Variants in STX8 observed in about 807,000 individuals in gnomAD.
The protein encoded by STX8 is syntaxin-8.
In STX8, 23 loss-of-function variants were observed where a neutral mutation model predicts 37.5. The ratio of observed to expected loss-of-function variants is 0.61; its 90% confidence interval spans 0.44 to 0.87. The LOEUF (loss-of-function observed/expected upper bound fraction) is 0.87. STX8 is among the 40% of genes least tolerant of loss of function. The probability of loss-of-function intolerance (pLI) is 0.00; values close to 1 mark genes in which losing one functional copy is unlikely to be tolerated. For missense variants in STX8, 313 were observed against 284.7 expected (o/e 1.10, Z -0.71); for synonymous variants, 115 against 99.1 (o/e 1.16, Z -0.95).
intron 6 of STX8, among the ~76,000 whole-genome samples, chr17:9,381,336 T>TCTTA (rs746147086): frequency 3.3e-4 from 50 of 152,288 alleles, no homozygotes; most frequent in African/African-American, 1.2e-3. Context: ...TCACCATTTT[T>TCTTA]CTTAAAGCAT....
At chr17:9,367,998 T>C (rs74369799) in intron 7 of STX8, among the ~76,000 whole-genome samples, 1 of 152,060 alleles carries the variant, frequency 6.6e-6, no homozygotes, top group African/African-American at 2.4e-5. Context: ...TCCCAAAGAG[T>C]TGGGATTATA....
intron 6 of STX8, among the ~76,000 whole-genome samples, chr17:9,425,018 T>G (rs1272335756): frequency 6.6e-6 from 1 of 152,188 alleles, no homozygotes; most frequent in Non-Finnish European, 1.5e-5. Context: ...AGGAAAAGAT[T>G]CATGAATGAG....
chr17:9,339,444 G>A (rs1910258227), intron 7 of STX8, among the ~76,000 whole-genome samples: 1 of 152,102 alleles, frequency 6.6e-6, no homozygotes, highest in South Asian at 2.1e-4. Flanking sequence ...CACGAGGTCA[G>A]GAGATCGAGA....
rs57490676 is a variant in STX8, at chr17:9,506,407, T to TCCCCCCCCCCCCCCCCCCCCCCCC, written c.324-1246_324-1245insGGGGGGGGGGGGGGGGGGGGGGGG. On this transcript the variant is annotated intron_variant, in intron 4 of 7. Transcript: ENST00000306357. ...TTAGAGTCAGCTGGTGCTCACCCGC[T>TCCCCCCCCCCCCCCCCCCCCCCCC]CCCCCCCCCCCCCACCCACCTTTCT... Among the ~76,000 whole-genome samples, 4 of 39,360 alleles carry TCCCCCCCCCCCCCCCCCCCCCCCC rather than the reference T, an allele frequency of 1.0e-4. 1 individual carries two copies. Among genetic ancestry groups the TCCCCCCCCCCCCCCCCCCCCCCCC allele is most frequent in the Non-Finnish European group, 1.5e-4 (3 of 20,520 alleles). The allele number at this position is 39,360 out of a possible 152,430, so 25.8% of individuals were successfully genotyped here.
intron 7 of STX8, among the ~76,000 whole-genome samples, chr17:9,361,762 C>G (rs539956217): frequency 4.6e-5 from 7 of 152,302 alleles, no homozygotes; most frequent in African/African-American, 1.7e-4. Context: ...GCACCAATAA[C>G]TGGCAGGAGC....
At position 9,368,133 on chromosome 17, in the gene STX8, T is replaced by C. The variant is rs149412312; in HGVS notation, c.643+10419A>G. Among the ~76,000 whole-genome samples the C allele has an allele frequency of 1.1e-3, 167 of 152,282 alleles. 1 individual carries two copies. In the East Asian group the frequency reaches 0.03, roughly 27 times the overall value. On this transcript the variant is annotated intron_variant, in intron 7 of 7. Transcript: ENST00000306357. Reference sequence around the variant, plus strand: ...AAAACATTAGGCAAATAAGTATTTTTCCCTAAAAATTCTACTTAACTTTTA... The same window carrying C: ...AAAACATTAGGCAAATAAGTATTTTCCCCTAAAAATTCTACTTAACTTTTA...
chr17:9,397,084 A>C (rs1032497434), intron 6 of STX8, among the ~76,000 whole-genome samples: 13 of 152,332 alleles, frequency 8.5e-5, no homozygotes, highest in African/African-American at 3.1e-4. Context: ...ACCGCTATAC[A>C]TGTACATTGG....
At chr17:9,490,350 C>T (rs1198006450) in intron 6 of STX8, among the ~76,000 whole-genome samples, 1 of 151,154 alleles carries the variant, frequency 6.6e-6, no homozygotes, top group Admixed American at 6.6e-5. Flanking sequence ...ATCCCCAGGG[C>T]TTCGATGCTT....
At chr17:9,255,553 A>T (rs201818314) in intron 7 of STX8, among the ~76,000 whole-genome samples, 963 of 28,142 alleles carry the variant, frequency 0.034, 7 homozygotes, top group Middle Eastern at 0.083. Flanking sequence ...TAAATAAATA[A>T]ATATATAAAT....
At chr17:9,402,869 C>A (rs8068911) in intron 6 of STX8, among the ~76,000 whole-genome samples, 1 of 152,100 alleles carries the variant, frequency 6.6e-6, no homozygotes, top group South Asian at 2.1e-4. Context: ...CTGCTAATGC[C>A]AGGCTGTATC....
At chr17:9,428,758 CT>C (rs1186447486) in intron 6 of STX8, among the ~76,000 whole-genome samples, 2 of 152,114 alleles carry the variant, frequency 1.3e-5, no homozygotes, top group African/African-American at 4.8e-5. Context: ...TATTTTGAAT[CT>C]TTTTTTCTGG....
chr17:9,409,178 C>T (rs949082654), intron 6 of STX8, among the ~76,000 whole-genome samples: 1 of 151,960 alleles, frequency 6.6e-6, no homozygotes, highest in African/African-American at 2.4e-5. Flanking sequence ...CAAGATATCA[C>T]CTATGCCCAT....
intron 4 of STX8, among the ~76,000 whole-genome samples, chr17:9,528,801 TA>T (rs929249506): frequency 8.7e-5 from 13 of 148,706 alleles, no homozygotes; most frequent in East Asian, 1.9e-4. Context: ...CCCTCTTCGT[TA>T]AAAAAAAAAT....
chr17:9,499,480 C>A (rs551582776), intron 5 of STX8, among the ~76,000 whole-genome samples: 1 of 152,284 alleles, frequency 6.6e-6, no homozygotes, highest in East Asian at 1.9e-4. Context: ...CTCACTGCAA[C>A]CTCCGCCTCC....
intron 7 of STX8, among the ~76,000 whole-genome samples, chr17:9,342,448 G>A (rs1249987115): frequency 6.6e-6 from 1 of 152,150 alleles, no homozygotes; most frequent in African/African-American, 2.4e-5. Context: ...AATGCAAAGG[G>A]AGAGCCCTAA....
At chr17:9,361,148 C>T (rs915640865) in intron 7 of STX8, among the ~76,000 whole-genome samples, 3 of 152,102 alleles carry the variant, frequency 2.0e-5, no homozygotes, top group Non-Finnish European at 2.9e-5. Flanking sequence ...AAAATAAATA[C>T]CGAGTCATTG....
At chr17:9,575,356 G>A (rs1190265336) in intron 1 of STX8, among the ~76,000 whole-genome samples, 1 of 152,132 alleles carries the variant, frequency 6.6e-6, no homozygotes, top group Non-Finnish European at 1.5e-5. Context: ...TGGTGGCCAT[G>A]GATTCTGAAC....
intron 7 of STX8, among the ~76,000 whole-genome samples, chr17:9,253,409 C>T (rs1906667152): frequency 6.6e-6 from 1 of 152,102 alleles, no homozygotes; most frequent in African/African-American, 2.4e-5. Flanking sequence ...TGACCAAAAG[C>T]TCCCCTGGGC....
chr17:9,369,684 G>A (rs982234582), intron 7 of STX8, among the ~76,000 whole-genome samples: 3 of 151,716 alleles, frequency 2.0e-5, no homozygotes, highest in African/African-American at 7.3e-5. Context: ...TTGAGTCCAG[G>A]AGTTTGAGAC....
Sources: gnomAD v4.1 joint callset for allele counts (sites outside exome capture counted in the v4.1 genomes callset) on GRCh38, gnomAD v4.1.1 for gene constraint, MANE v1.5 for transcripts, NCBI Gene and HGNC (gene_info 2026-07-23, HGNC 2026-07-21) for gene names.